Variants in KLHL29 observed in about 807,000 individuals in gnomAD.
The protein encoded by KLHL29 is kelch like family member 29.
A neutral mutation model predicts 80.4 loss-of-function variants in KLHL29; 21 were observed. The ratio of observed to expected loss-of-function variants is 0.26; its 90% CI spans 0.19 to 0.38. The LOEUF is 0.38. Among genes scored for constraint, KLHL29 ranks in the 10% least tolerant of loss-of-function variants. KLHL29 has a pLI of 1.00. For missense variants in KLHL29, 867 were observed against 1,223.9 expected, an observed-to-expected ratio of 0.71 and a Z score of 4.35; for synonymous variants, 511 against 526.8, an observed-to-expected ratio of 0.97 and a Z score of 0.41.
chr2:23,687,224 C>T (rs750457400), intron 6 of KLHL29, among the ~76,000 whole-genome samples: 2 of 149,446 alleles, frequency 1.3e-5, no homozygotes, highest in East Asian at 4.1e-4. Context: ...TGTAGACCTC[C>T]GTGGGGATCA....
chr2:23,534,948 A>C (rs529600056), intron 2 of KLHL29, among the ~76,000 whole-genome samples: 26 of 152,274 alleles, frequency 1.7e-4, no homozygotes, highest in African/African-American at 6.0e-4. Flanking sequence ...AGCTGCTAAA[A>C]TGCGTCTGGC....
intron 6 of KLHL29, 151 bp from the exon 7 acceptor site, chr2:23,691,523 C>T: frequency 3.2e-6 from 2 of 628,846 alleles, no homozygotes; most frequent in Non-Finnish European, 5.6e-6. Flanking sequence ...GATCCCGTGT[C>T]ACAGCATTAG....
intron 5 of KLHL29, among the ~76,000 whole-genome samples, chr2:23,661,356 A>AG (rs35571840): frequency 6.6e-6 from 1 of 150,578 alleles, no homozygotes; most frequent in African/African-American, 2.4e-5. Context: ...AAAAAAAAAA[A>AG]CCATGAAAAA....
chr2:23,646,846 T>C (rs1669947825), intron 5 of KLHL29, among the ~76,000 whole-genome samples: 1 of 152,208 alleles, frequency 6.6e-6, no homozygotes, highest in African/African-American at 2.4e-5. Context: ...TCTAAGCCTC[T>C]TTCCTCATCT....
intron 3 of KLHL29, among the ~76,000 whole-genome samples, chr2:23,619,069 G>A (rs11125143): frequency 0.17 from 26,548 of 152,186 alleles, 2,991 homozygotes; most frequent in Admixed American, 0.3. Flanking sequence ...CAGGCCCCTC[G>A]GCCCAGGGAA....
intron 2 of KLHL29, among the ~76,000 whole-genome samples, chr2:23,500,322 A>G (rs575775281): frequency 5.9e-5 from 9 of 152,346 alleles, no homozygotes; most frequent in Admixed American, 4.6e-4. Context: ...GAGTCAGAAC[A>G]AACAGATAAG....
At chr2:23,613,984 A>C (rs1284236806) in intron 3 of KLHL29, among the ~76,000 whole-genome samples, 1 of 152,128 alleles carries the variant, frequency 6.6e-6, no homozygotes, top group Non-Finnish European at 1.5e-5. Context: ...AACAAGCTAC[A>C]TACCTCCCTC....
intron 2 of KLHL29, among the ~76,000 whole-genome samples, chr2:23,530,883 A>G (rs183491002): frequency 2.6e-5 from 4 of 152,322 alleles, no homozygotes; most frequent in Admixed American, 1.3e-4. Context: ...GTCTGTATGA[A>G]CTTAGAAATG....
intron 1 of KLHL29, among the ~76,000 whole-genome samples, chr2:23,461,950 G>A (rs998487926): frequency 2.7e-5 from 4 of 145,912 alleles, no homozygotes; most frequent in African/African-American, 1.0e-4. Context: ...TATTAGTTTG[G>A]TGCAAAAGTA....
intron 2 of KLHL29, among the ~76,000 whole-genome samples, chr2:23,531,460 C>T (rs1016861436): frequency 5.9e-5 from 9 of 152,206 alleles, no homozygotes; most frequent in Admixed American, 1.3e-4. Context: ...CCGCCTCCCT[C>T]GTGGGGCTCT....
intron 2 of KLHL29, among the ~76,000 whole-genome samples, chr2:23,526,724 G>C (rs1163212765): frequency 6.6e-6 from 1 of 152,172 alleles, no homozygotes; most frequent in Non-Finnish European, 1.5e-5. Context: ...AGCTGGGGTT[G>C]GCTCCGTGGC....
intron 13 of KLHL29, among the ~76,000 whole-genome samples, chr2:23,704,965 A>T (rs1040540561): frequency 2.0e-5 from 3 of 152,254 alleles, no homozygotes; most frequent in Admixed American, 2.0e-4. Flanking sequence ...GACCTTGGAC[A>T]TATCCCTTCA....
At chr2:23,478,909 C>A (rs1027338039) in intron 2 of KLHL29, among the ~76,000 whole-genome samples, 1 of 151,936 alleles carries the variant, frequency 6.6e-6, no homozygotes, top group Non-Finnish European at 1.5e-5. Context: ...GGCTTCCACA[C>A]CCCCCGCCTT....
rs1156703153 is a variant in KLHL29 at position 23,385,195 on chromosome 2, G to C, written c.-739G>C. ...AGCTAAAGCAGACGGTACCCGGAGC[G>C]GAGCGAGCCAGAAGGGAGCATGGTC... On this transcript the variant is annotated 5_prime_UTR_variant, in exon 1 of 14. Coordinates refer to ENST00000486442, the MANE Select transcript of KLHL29 (RefSeq NM_052920.2). 2 of 148,602 alleles carry C rather than the reference G, an allele frequency of 1.3e-5. No individual in the cohort carries two copies. Among genetic ancestry groups the C allele is most frequent in the Non-Finnish European group, 3.0e-5 (2 of 66,400 alleles). The allele number at this position is 148,602 out of a possible 1,614,324, so 9.2% of individuals were successfully genotyped here.
intron 3 of KLHL29, among the ~76,000 whole-genome samples, chr2:23,629,932 A>G (rs1572451132): frequency 6.6e-6 from 1 of 152,130 alleles, no homozygotes; most frequent in East Asian, 1.9e-4. Context: ...ACACCAGCGA[A>G]CAGCACCGGG....
intron 3 of KLHL29, among the ~76,000 whole-genome samples, chr2:23,613,085 G>A (rs1184694138): frequency 1.3e-5 from 2 of 152,078 alleles, no homozygotes; most frequent in Admixed American, 1.3e-4. Flanking sequence ...AAGGATGAGG[G>A]ATGTAATATC....
intron 3 of KLHL29, among the ~76,000 whole-genome samples, chr2:23,568,901 C>T (rs1233120519): frequency 1.3e-5 from 2 of 152,196 alleles, no homozygotes; most frequent in African/African-American, 4.8e-5. Context: ...AGATGTGGGA[C>T]ACTCAGGACC....
intron 5 of KLHL29, among the ~76,000 whole-genome samples, chr2:23,676,327 C>T (rs946349268): frequency 1.3e-5 from 2 of 152,180 alleles, no homozygotes; most frequent in East Asian, 1.9e-4. Flanking sequence ...GGACTACAGG[C>T]GTCTGCTACC....
chr2:23,623,234 G>T (rs1434706999), intron 3 of KLHL29, among the ~76,000 whole-genome samples: 1 of 152,158 alleles, frequency 6.6e-6, no homozygotes. Context: ...GGTTCCAACG[G>T]ACCCGACTCA....
Sources: gnomAD v4.1 joint callset for allele counts (sites outside exome capture counted in the v4.1 genomes callset) on GRCh38, gnomAD v4.1.1 for gene constraint, MANE v1.5 for transcripts, NCBI Gene and HGNC (gene_info 2026-07-23, HGNC 2026-07-21) for gene names.